ENAH: variants seen among roughly 807,000 people sequenced by gnomAD.
ENAH encodes the protein protein enabled homolog.
ENAH carries 23 observed loss-of-function variants against 78.7 expected under a neutral mutation model. The observed-to-expected ratio is 0.29, with a 90% confidence interval of 0.21 to 0.41. The LOEUF (loss-of-function observed/expected upper bound fraction) is 0.41. Among genes scored for constraint, ENAH ranks in the 10% least tolerant of loss-of-function variants. The pLI, the probability that ENAH is intolerant of heterozygous loss-of-function variation, is 1.00. For missense variants in ENAH, 544 were observed against 691.0 expected (o/e 0.79, Z 2.39); for synonymous variants, 226 against 241.0 (o/e 0.94, Z 0.58).
chr1:225,581,475 A>G (rs146271224), intron 1 of ENAH, among the ~76,000 whole-genome samples: 309 of 152,226 alleles, frequency 2.0e-3, no homozygotes, highest in African/African-American at 7.1e-3. Context: ...GACTTCTTAT[A>G]TTTTTATTTT....
chr1:225,652,802 T>C lies in ENAH; in HGVS notation c.-112A>G. The C allele has an allele frequency of 5.4e-6, 5 of 924,116 alleles. No individual in the cohort carries two copies. The highest frequency in any genetic ancestry group is 7.2e-6 in the Non-Finnish European group (5 of 696,366). The allele number at this position is 924,116 out of a possible 1,614,324, so 57.2% of individuals were successfully genotyped here. On this transcript the variant is annotated 5_prime_UTR_variant, in exon 1 of 14. Transcript: ENST00000366843. ...GAGCAGCTCGGAGACGGGAGACAAG[T>C]GTCCGGCTCCTCCTTCGGCGGCCAG...
intron 1 of ENAH, among the ~76,000 whole-genome samples, chr1:225,603,201 C>T (rs927813551): frequency 6.6e-6 from 1 of 152,054 alleles, no homozygotes; most frequent in Non-Finnish European, 1.5e-5. Flanking sequence ...AATGTGAAGA[C>T]TCAACCTTTA....
chr1:225,622,628 A>G (rs1657199400), intron 1 of ENAH, among the ~76,000 whole-genome samples: 1 of 152,120 alleles, frequency 6.6e-6, no homozygotes, highest in South Asian at 2.1e-4. Flanking sequence ...CTGTTCATGG[A>G]TGGCACCTTC....
intron 1 of ENAH, among the ~76,000 whole-genome samples, chr1:225,632,091 G>A (rs965600879): frequency 4.6e-5 from 7 of 152,038 alleles, no homozygotes; most frequent in Non-Finnish European, 1.0e-4. Flanking sequence ...TTATTCTTGC[G>A]GTAGCTTTAA....
intron 1 of ENAH, among the ~76,000 whole-genome samples, chr1:225,587,579 T>G (rs1431689552): frequency 6.6e-6 from 1 of 152,186 alleles, no homozygotes; most frequent in African/African-American, 2.4e-5. Context: ...AAGTCTCTCC[T>G]AAATTAATCT....
In ENAH at chr1:225,574,611, T is replaced by TAAAAAA. The variant is rs1575581530; in HGVS notation, c.6-7203_6-7198dup. Among the ~76,000 whole-genome samples, 57 of 26,130 alleles carry TAAAAAA rather than the reference T, an allele frequency of 2.2e-3. 9 individuals are homozygous for TAAAAAA. Among genetic ancestry groups the TAAAAAA allele is most frequent in the East Asian group, 7.0e-3 (6 of 854 alleles). 17.1% of individuals were successfully genotyped at this position (26,130 alleles called of 152,430 possible). A position where few individuals can be genotyped will look rare whatever the true frequency, so the allele number is the denominator to read the frequency against. ...AGTGAGACTCTGTCTCCAAAATATA[T>TAAAAAA]AAAAAAAAGGCCGGGCGCGGTGGCT... On this transcript the variant is annotated intron_variant, in intron 1 of 13. Coordinates refer to ENST00000366843, the MANE Select transcript of ENAH (RefSeq NM_018212.6).
chr1:225,537,909 CTG>C (rs1261354136), intron 3 of ENAH, among the ~76,000 whole-genome samples: 2 of 152,086 alleles, frequency 1.3e-5, no homozygotes, highest in Admixed American at 6.6e-5. Flanking sequence ...ATTGGCATGA[CTG>C]TATTTTATTA....
At chr1:225,527,933 T>G (rs2096518150) in intron 4 of ENAH, among the ~76,000 whole-genome samples, 1 of 152,144 alleles carries the variant, frequency 6.6e-6, no homozygotes, top group Non-Finnish European at 1.5e-5. Context: ...CTCAACAACC[T>G]TCCTAGGTAA....
chr1:225,616,003 G>A (rs1173207471), intron 1 of ENAH, among the ~76,000 whole-genome samples: 1 of 152,144 alleles, frequency 6.6e-6, no homozygotes, highest in African/African-American at 2.4e-5. Flanking sequence ...CTTCTGCCTT[G>A]GGATGCTGTT....
intron 5 of ENAH, chr1:225,518,021 G>A: frequency 6.6e-7 from 1 of 1,513,470 alleles, no homozygotes; most frequent in Non-Finnish European, 8.8e-7. Flanking sequence ...AGCAGCAAAA[G>A]ACAGGATAAA....
intron 1 of ENAH, among the ~76,000 whole-genome samples, chr1:225,588,195 G>C (rs2096856684): frequency 6.6e-6 from 1 of 152,086 alleles, no homozygotes; most frequent in African/African-American, 2.4e-5. Flanking sequence ...AAGAGAGGGA[G>C]GAGGGGAAAA....
intron 3 of ENAH, among the ~76,000 whole-genome samples, chr1:225,536,711 AAG>A (rs1375781700): frequency 6.6e-6 from 1 of 152,068 alleles, no homozygotes; most frequent in Non-Finnish European, 1.5e-5. Flanking sequence ...TCTTAAATAA[AAG>A]AGAATTTTTC....
In ENAH at chr1:225,500,193, GC is replaced by G. The variant is rs1558704783; in HGVS notation, c.1617+798del. On this transcript the variant is annotated intron_variant, in intron 12 of 13. Transcript: ENST00000366843. ...ATAACTCAATTTAACTTTTCCAATA[GC>G]TTTGCAGTATGAAAATTCAGTTTAT... is the stretch of plus-strand genomic sequence containing the variant. Among the ~76,000 whole-genome samples, 7 of 152,282 alleles carry G rather than the reference GC, an allele frequency of 4.6e-5. No individual in the cohort carries two copies. In the South Asian group the frequency reaches 1.4e-3, roughly 32 times the overall value.
chr1:225,572,619 G>T (rs529727675), intron 1 of ENAH, among the ~76,000 whole-genome samples: 71 of 152,140 alleles, frequency 4.7e-4, no homozygotes, highest in Admixed American at 8.5e-4. Context: ...TTGCTGCATG[G>T]ACACTGGTGA....
At chr1:225,498,192 A>C (rs181044985) in intron 13 of ENAH, among the ~76,000 whole-genome samples, 155 bp downstream of exon 13, 2 of 152,310 alleles carry the variant, frequency 1.3e-5, no homozygotes, top group East Asian at 1.9e-4. Context: ...ATGAAGGAGA[A>C]ACCTCCTCCC....
At chr1:225,556,464 G>T (rs1190040388) in intron 2 of ENAH, among the ~76,000 whole-genome samples, 1 of 151,954 alleles carries the variant, frequency 6.6e-6, no homozygotes, top group Non-Finnish European at 1.5e-5. Context: ...ATTTTTATTA[G>T]GTATCTAGAT....
intron 1 of ENAH, among the ~76,000 whole-genome samples, chr1:225,596,793 T>C (rs1446808387): frequency 6.6e-6 from 1 of 152,204 alleles, no homozygotes. Context: ...CAGGTACAAC[T>C]TGGGCAGTGA....
intron 1 of ENAH, among the ~76,000 whole-genome samples, chr1:225,571,299 G>A (rs1481499380): frequency 6.6e-6 from 1 of 152,030 alleles, no homozygotes; most frequent in Non-Finnish European, 1.5e-5. Flanking sequence ...CTTGAACCCA[G>A]GAGATGGAGG....
chr1:225,624,636 CAAAT>C (rs57242435), intron 1 of ENAH, among the ~76,000 whole-genome samples: 59,533 of 150,194 alleles, frequency 0.4, 13,430 homozygotes, highest in African/African-American at 0.63. Context: ...AATCAATCAA[CAAAT>C]AAATAAATAA....
Sources: gnomAD v4.1 joint callset for allele counts (sites outside exome capture counted in the v4.1 genomes callset) on GRCh38, gnomAD v4.1.1 for gene constraint, MANE v1.5 for transcripts, NCBI Gene and HGNC (gene_info 2026-07-23, HGNC 2026-07-21) for gene names.